The following ZNF391 variants were observed in gnomAD, a reference collection of about 807,000 sequenced individuals.
ZNF391 encodes zinc finger protein 391.
For synonymous variants in ZNF391, 126 were observed against 142.1 expected (o/e 0.89, Z 0.80); for missense variants, 375 against 425.5 (o/e 0.88, Z 1.04).
intron 1 of ZNF391, among the ~76,000 whole-genome samples, chr6:27,389,777 G>T (rs1004446462): frequency 2.0e-5 from 3 of 152,050 alleles, no homozygotes; most frequent in African/African-American, 4.8e-5. Context: ...GCACTCCAGC[G>T]TAGGCAACAA....
rs376168880 is a variant in ZNF391, at chr6:27,401,125, G to T, written c.755G>T (p.Ser252Ile). Residue 252 changes from serine to isoleucine, a missense_variant, in exon 3 of 3, where the codon AGT becomes ATT. Coordinates refer to ENST00000244576, the MANE Select transcript of ZNF391 (RefSeq NM_001076781.3). The stretch of plus-strand genomic sequence containing the variant: ...ACTGGAGAGAATCCCTATGAATGCA[G>T]TAAATGTGGAAAAGCTTTCAGTTGG... Reference protein sequence around the residue: ...IHTGENPYECSKCGKAFSWIS... With the variant: ...IHTGENPYECIKCGKAFSWIS... The T allele has an allele frequency of 1.7e-4, 282 of 1,614,064 alleles. No homozygotes were observed. Among genetic ancestry groups the T allele is most frequent in the Non-Finnish European group, 2.3e-4 (267 of 1,180,042 alleles).
At chr6:27,396,738 G>GA in intron 1 of ZNF391, among the ~76,000 whole-genome samples, 1 of 151,680 alleles carries the variant, frequency 6.6e-6, no homozygotes, top group South Asian at 2.1e-4. Flanking sequence ...AAAAAAGAAA[G>GA]AAAAAAAATG....
At chr6:27,388,595 C>T (rs943656411), upstream of ZNF391, 3 of 297,756 alleles carry the variant, frequency 1.0e-5, no homozygotes, top group African/African-American at 4.6e-5. Flanking sequence ...CTCTCGCAGA[C>T]CCCCTTCCTC....
intron 1 of ZNF391, among the ~76,000 whole-genome samples, chr6:27,377,711 C>T (rs1418846075): frequency 1.3e-5 from 2 of 152,204 alleles, no homozygotes; most frequent in Admixed American, 6.5e-5. Flanking sequence ...ACCTTGGGTA[C>T]ATGTCATCAG....
chr6:27,378,177 A>G (rs1761445569), intron 1 of ZNF391, among the ~76,000 whole-genome samples: 2 of 152,208 alleles, frequency 1.3e-5, no homozygotes, highest in Non-Finnish European at 2.9e-5. Context: ...TATGTTCCTG[A>G]GTAAAAACCA....
chr6:27,389,355 G>C, intron 1 of ZNF391: 1 of 454,558 alleles, frequency 2.2e-6, no homozygotes, highest in Non-Finnish European at 4.4e-6. Flanking sequence ...GGGCGAGGGA[G>C]GTCTTCGGTA....
chr6:27,381,158 C>G (rs1344240614), intron 1 of ZNF391, among the ~76,000 whole-genome samples: 1 of 152,220 alleles, frequency 6.6e-6, no homozygotes, highest in Admixed American at 6.5e-5. Context: ...CAGGAGCCCA[C>G]GGAGGGGGTG....
chr6:27,400,271 T>C, intron 2 of ZNF391, 22 bp from the exon 3 acceptor site: 1 of 986,122 alleles, frequency 1.0e-6, no homozygotes, highest in Non-Finnish European at 1.5e-6. Flanking sequence ...CAGATGACAT[T>C]TACACTTTAA....
At chr6:27,393,970 A>C (rs1044593541) in intron 1 of ZNF391, among the ~76,000 whole-genome samples, 38 of 152,200 alleles carry the variant, frequency 2.5e-4, no homozygotes, top group African/African-American at 9.2e-4. Flanking sequence ...TCTTTCTAAC[A>C]GTCTATCTGT....
chr6:27,392,545 A>C (rs1199920840), intron 1 of ZNF391, among the ~76,000 whole-genome samples: 1 of 152,208 alleles, frequency 6.6e-6, no homozygotes, highest in Non-Finnish European at 1.5e-5. Context: ...AGCCAAAGCC[A>C]GAGACTTTAC....
rs768294311 is a variant in ZNF391, at chr6:27,400,994, TAGTC to T, written c.627_630del (p.Gln210IlefsTer26). ...AAGCCTTTAGCCGAAGCACTAACCT[TAGTC>T]AGCATCAGCGAACTCATACTCAAGA... On this transcript the variant is annotated frameshift_variant, in exon 3 of 3. Coordinates refer to ENST00000244576, the MANE Select transcript of ZNF391 (RefSeq NM_001076781.3). LOFTEE classifies it low-confidence loss of function (END_TRUNC). 1.5e-5 allele frequency: 24 copies of T among 1,614,090 alleles called. No homozygotes were observed. Among genetic ancestry groups the T allele is most frequent in the Non-Finnish European group, 1.9e-5 (23 of 1,180,046 alleles).
chr6:27,382,885 C>A (rs765451740), intron 1 of ZNF391, among the ~76,000 whole-genome samples: 1 of 151,962 alleles, frequency 6.6e-6, no homozygotes, highest in African/African-American at 2.4e-5. Flanking sequence ...TTTGGGAGGC[C>A]AAGGTGGGCA....
chr6:27,398,597 G>A (rs866637021), intron 1 of ZNF391, among the ~76,000 whole-genome samples: 1 of 152,202 alleles, frequency 6.6e-6, no homozygotes, highest in South Asian at 2.1e-4. Context: ...AGTGGCTCAC[G>A]CCTGTAATCC....
Position 27,401,714 on chromosome 6 carries a change from G to A in ZNF391, c.*267G>A. The A allele has an allele frequency of 3.4e-6, 1 of 291,806 alleles. No homozygotes were observed. Among genetic ancestry groups the A allele is most frequent in the Non-Finnish European group, 6.4e-6 (1 of 157,256 alleles). 18.1% of individuals were successfully genotyped at this position (291,806 alleles called of 1,614,324 possible). ...TCAAATAAGTTCACAATAAAACAAA[G>A]GGATGACTCAAAAAACATAACATAT... On this transcript the variant is annotated 3_prime_UTR_variant, in exon 3 of 3. Coordinates refer to ENST00000244576, the MANE Select transcript of ZNF391 (RefSeq NM_001076781.3).
chr6:27,401,422 A>T lies in ZNF391; in HGVS notation c.1052A>T (p.His351Leu). 1.2e-6 allele frequency: 2 copies of T among 1,609,982 alleles called. No individual in the cohort carries two copies. The highest frequency in any genetic ancestry group is 2.7e-5 in the African/African-American group (2 of 75,018). ...AFCQSSTLIR[H>L]QHLHTKE ...TGTCAGAGTTCAACTCTGATCAGACATCAGCACCTTCATACTAAAGAGTAA... is the reference window on the plus strand; with the variant it reads ...TGTCAGAGTTCAACTCTGATCAGACTTCAGCACCTTCATACTAAAGAGTAA... Residue 351 changes from histidine (H) to leucine (L), a missense_variant, in exon 3 of 3, where the codon CAT becomes CTT. Physicochemically the swap from His to Leu is moderately conservative, Grantham distance 99 (BLOSUM62 -3). Transcript: ENST00000244576.
At position 27,403,386 on chromosome 6, in the gene ZNF391, C is replaced by T. The variant is rs1306932007; in HGVS notation, c.*1939C>T. On this transcript the variant is annotated 3_prime_UTR_variant, in exon 3 of 3. Coordinates refer to ENST00000244576, the MANE Select transcript of ZNF391 (RefSeq NM_001076781.3). ...TTGTATTCCAGAAACCCTATCCACC[C>T]TTTTTTAAAGGCCATGCTCATATCC... The T allele has an allele frequency of 6.6e-6, 1 of 152,138 alleles. No individual in the cohort carries two copies. Among genetic ancestry groups the T allele is most frequent in the Non-Finnish European group, 1.5e-5 (1 of 68,044 alleles). 9.4% of individuals were successfully genotyped at this position (152,138 alleles called of 1,614,324 possible). A position where few individuals can be genotyped will look rare whatever the true frequency, so the allele number is the denominator to read the frequency against.
chr6:27,397,141 C>T (rs1761842704), intron 1 of ZNF391, among the ~76,000 whole-genome samples: 1 of 152,196 alleles, frequency 6.6e-6, no homozygotes, highest in Admixed American at 6.5e-5. Context: ...TTAATTGGCT[C>T]ACAGTTCTGC....
In ZNF391 at chr6:27,381,842, G is replaced by T. The variant is rs574953524; in HGVS notation, n.523+6705G>T. 9.1e-4 allele frequency among the ~76,000 whole-genome samples: 139 copies of T among 152,234 alleles called. 1 individual carries two copies. Among genetic ancestry groups the T allele is most frequent in the African/African-American group, 3.1e-3 (129 of 41,536 alleles). The stretch of plus-strand genomic sequence containing the variant: ...GAGGTCAGAAGTTTGAGACCAGCCT[G>T]GCCAACATGGTGAAACCTTGTCTCT... On this transcript the variant is annotated intron_variant and non_coding_transcript_variant, in intron 1 of 2. Transcript: ENST00000477999.
At chr6:27,384,224 G>C (rs1761548661), upstream of ZNF391, among the ~76,000 whole-genome samples, 1 of 152,164 alleles carries the variant, frequency 6.6e-6, no homozygotes, top group Admixed American at 6.5e-5. Context: ...AGCACTTTGG[G>C]AGGCTGAGGT....
Sources: gnomAD v4.1 joint callset for allele counts (sites outside exome capture counted in the v4.1 genomes callset) on GRCh38, gnomAD v4.1.1 for gene constraint, MANE v1.5 for transcripts, NCBI Gene and HGNC (gene_info 2026-07-23, HGNC 2026-07-21) for gene names.